The following ZMYM4 variants were observed in gnomAD, a reference collection of about 807,000 sequenced individuals.
ZMYM4 encodes the protein zinc finger MYM-type containing 4, also known as zinc finger MYM-type protein 4.
A neutral mutation model predicts 183.2 loss-of-function variants in ZMYM4; 31 were observed. The observed-to-expected ratio is 0.17, with a 90% CI of 0.13 to 0.23. The LOEUF is 0.23. Among genes scored for constraint, ZMYM4 ranks in the 10% least tolerant of loss-of-function variants. The pLI is 1.00. For synonymous variants in ZMYM4, 592 were observed against 631.2 expected, an observed-to-expected ratio of 0.94 and a Z score of 0.93; for missense variants, 1,273 against 1,840.3, an observed-to-expected ratio of 0.69 and a Z score of 5.64.
intron 2 of ZMYM4, chr1:35,351,717 G>A (rs921251331): frequency 2.3e-6 from 1 of 437,738 alleles, no homozygotes; most frequent in Non-Finnish European, 4.1e-6. Context: ...AAATGTGCAG[G>A]AGGAATATGT....
rs775523253 is a variant in ZMYM4, at chr1:35,358,972, T to C, written c.133T>C (p.Leu45=). Residue 45 remains leucine, a synonymous_variant, in exon 3 of 30, where the codon TTA becomes CTA. Transcript: ENST00000314607. The part of the protein sequence containing the change: ...TEMSEDIDHN[L]TPTLDSMSYG... Reference sequence around the variant, plus strand: ...AATGTCTGAAGATATAGACCACAACTTAACTCCTACCCTTGACAGCATGTC... The same window carrying C: ...AATGTCTGAAGATATAGACCACAACCTAACTCCTACCCTTGACAGCATGTC... 2 of 1,613,722 alleles carry C rather than the reference T, an allele frequency of 1.2e-6. No individual in the cohort carries two copies. The highest frequency in any genetic ancestry group is 2.2e-5 in the South Asian group (2 of 91,066).
At chr1:35,358,837 T>A in intron 2 of ZMYM4, 88 bp from the exon 3 acceptor site, 1 of 1,150,772 alleles carries the variant, frequency 8.7e-7, no homozygotes. Flanking sequence ...TTTGAAAAAA[T>A]ATTTATTTGG....
At chr1:35,382,009 G>A (rs566930868) in intron 9 of ZMYM4, among the ~76,000 whole-genome samples, 1 of 151,780 alleles carries the variant, frequency 6.6e-6, no homozygotes, top group Non-Finnish European at 1.5e-5. Flanking sequence ...GCCAGGTGTG[G>A]TGGCACATCC....
chr1:35,395,341 C>T (rs1342456859), intron 18 of ZMYM4, among the ~76,000 whole-genome samples: 2 of 150,992 alleles, frequency 1.3e-5, no homozygotes, highest in Non-Finnish European at 2.9e-5. Context: ...CATGCCTATA[C>T]TCCCAGCACT....
intron 2 of ZMYM4, among the ~76,000 whole-genome samples, chr1:35,327,070 AG>A (rs892085773): frequency 1.1e-4 from 16 of 152,170 alleles, no homozygotes; most frequent in Non-Finnish European, 2.1e-4. Context: ...CATGTTGGCC[AG>A]GCTGTTCTCG....
intron 7 of ZMYM4, among the ~76,000 whole-genome samples, chr1:35,374,141 C>T (rs951217140): frequency 6.9e-6 from 1 of 143,982 alleles, no homozygotes; most frequent in Admixed American, 7.4e-5. Flanking sequence ...AAGTGATTCT[C>T]TTGCCTCAGC....
intron 1 of ZMYM4, among the ~76,000 whole-genome samples, chr1:35,307,504 A>T (rs903826529): frequency 4.7e-5 from 7 of 150,246 alleles, no homozygotes; most frequent in African/African-American, 1.7e-4. Context: ...GTTTAAAAAA[A>T]ATTTTTAATT....
chr1:35,392,213 A>G lies in ZMYM4; in HGVS notation c.2589A>G (p.Ala863=). 6.2e-7 allele frequency: 1 copy of G among 1,614,190 alleles called. No individual in the cohort carries two copies. The highest frequency in any genetic ancestry group is 8.5e-7 in the Non-Finnish European group (1 of 1,180,024). ...VCDPPSQNNA[A]NISMVQAASA... is the part of the protein sequence containing the mutation. The stretch of plus-strand genomic sequence containing the variant: ...CTTATTTTTGTTTATTTTAATCAGC[A>G]AATATTTCCATGGTTCAAGCTGCTT... The change falls in exon 16 of 30, where the codon GCA becomes GCG. Residue 863 remains alanine, a splice_region_variant and synonymous_variant. Coordinates refer to ENST00000314607, the MANE Select transcript of ZMYM4 (RefSeq NM_005095.3).
At position 35,396,538 on chromosome 1, in the gene ZMYM4, G is replaced by A; in HGVS notation, c.2912-14G>A. On this transcript the variant is annotated splice_polypyrimidine_tract_variant and intron_variant, in intron 18 of 29. Coordinates refer to ENST00000314607, the MANE Select transcript of ZMYM4 (RefSeq NM_005095.3). ...CCTCTTTGCTTTTTGTGATTTTGTT[G>A]TTGTTACTGTTAGAAGACACTCCAA... 1 of 1,610,340 alleles carries A rather than the reference G, an allele frequency of 6.2e-7. No individual in the cohort carries two copies. Among genetic ancestry groups the A allele is most frequent in the Non-Finnish European group, 8.5e-7 (1 of 1,178,732 alleles).
At chr1:35,350,752 G>T (rs192656470) in intron 2 of ZMYM4, 13 of 452,980 alleles carry the variant, frequency 2.9e-5, no homozygotes, top group South Asian at 2.4e-4. Context: ...TAAGAATAAG[G>T]CCTGCTTTAA....
At chr1:35,361,082 A>G in intron 3 of ZMYM4, 112 bp from the exon 4 acceptor site, 2 of 908,528 alleles carry the variant, frequency 2.2e-6, no homozygotes, top group Non-Finnish European at 3.2e-6. Flanking sequence ...TCTAACGAGC[A>G]TCTTTGTTGG....
At position 35,385,462 on chromosome 1, in the gene ZMYM4, G is replaced by A. The variant is rs753732024; in HGVS notation, c.1590G>A (p.Pro530=). 26 of 1,611,260 alleles carry A rather than the reference G, an allele frequency of 1.6e-5. 1 individual carries two copies. The highest frequency in any genetic ancestry group is 3.3e-5 in the South Asian group (3 of 90,254). Residue 530 remains proline, a synonymous_variant, in exon 10 of 30, where the codon CCG becomes CCA. Coordinates refer to ENST00000314607, the MANE Select transcript of ZMYM4 (RefSeq NM_005095.3). ...AYKQKSAKIT[P]CALCKSLRSS... The stretch of plus-strand genomic sequence containing the variant: ...AATAGAAATCAGCCAAAATTACACC[G>A]TGTGCGCTTTGCAAATCATTGAGAT...
chr1:35,411,146 G>T (rs1639873040), intron 26 of ZMYM4, among the ~76,000 whole-genome samples: 1 of 149,408 alleles, frequency 6.7e-6, no homozygotes, highest in Non-Finnish European at 1.5e-5. Flanking sequence ...ATATAGATGG[G>T]TTTAATTTGG....
chr1:35,271,265 C>A (rs139547326), intron 1 of ZMYM4, among the ~76,000 whole-genome samples: 130 of 151,172 alleles, frequency 8.6e-4, no homozygotes, highest in African/African-American at 3.0e-3. Flanking sequence ...TGTGTGTTGA[C>A]AACAAATTCA....
intron 5 of ZMYM4, among the ~76,000 whole-genome samples, chr1:35,367,108 G>T (rs978703357): frequency 2.0e-5 from 3 of 151,826 alleles, no homozygotes; most frequent in African/African-American, 4.8e-5. Flanking sequence ...TTTTGTAGAA[G>T]AATAATAGGC....
chr1:35,351,097 GT>G, intron 2 of ZMYM4: 1 of 867,200 alleles, frequency 1.2e-6, no homozygotes, highest in Non-Finnish European at 1.9e-6. Flanking sequence ...GAGGTGACTG[GT>G]GGTAAATACA....
At chr1:35,414,589 G>A (rs1640038163) in intron 27 of ZMYM4, among the ~76,000 whole-genome samples, 1 of 152,260 alleles carries the variant, frequency 6.6e-6, no homozygotes, top group East Asian at 1.9e-4. Context: ...ACCTTTAACA[G>A]TAAGCTTAAT....
chr1:35,351,102 A>G (rs12094543), intron 2 of ZMYM4: 61,169 of 882,752 alleles, frequency 0.069, 7,870 homozygotes, highest in East Asian at 0.49. Context: ...GACTGGTGGT[A>G]AATACAATGT....
chr1:35,313,827 G>T (rs992832833), intron 1 of ZMYM4, among the ~76,000 whole-genome samples: 4 of 152,166 alleles, frequency 2.6e-5, no homozygotes, highest in Admixed American at 2.0e-4. Flanking sequence ...TATTTTAAAG[G>T]TGTATATAAT....
Sources: gnomAD v4.1 joint callset for allele counts (sites outside exome capture counted in the v4.1 genomes callset) on GRCh38, gnomAD v4.1.1 for gene constraint, MANE v1.5 for transcripts, NCBI Gene and HGNC (gene_info 2026-07-23, HGNC 2026-07-21) for gene names.